Variants in TAFA2 observed in about 807,000 individuals in gnomAD.
TAFA2 encodes chemokine-like protein TAFA-2.
In TAFA2, 7 loss-of-function variants were observed where a neutral mutation model predicts 18.8. The observed-to-expected ratio is 0.37, with a 90% CI of 0.21 to 0.70. The LOEUF (loss-of-function observed/expected upper bound fraction) is 0.70, where lower values mean the gene tolerates loss of function less well. Among genes scored for constraint, TAFA2 ranks in the 30% least tolerant of loss-of-function variants. The pLI is 0.53. For missense variants in TAFA2, 122 were observed against 158.1 expected, an observed-to-expected ratio of 0.77 and a Z score of 1.23; for synonymous variants, 60 against 54.2, an observed-to-expected ratio of 1.11 and a Z score of -0.47.
chr12:61,950,936 T>C, intron 1 of TAFA2, among the ~76,000 whole-genome samples: 1 of 152,144 alleles, frequency 6.6e-6, no homozygotes, highest in East Asian at 1.9e-4. Context: ...GACACACATA[T>C]GCTTTATAGG....
intron 2 of TAFA2, among the ~76,000 whole-genome samples, chr12:61,762,663 A>G (rs998780884): frequency 6.6e-6 from 1 of 150,814 alleles, no homozygotes; most frequent in African/African-American, 2.4e-5. Flanking sequence ...ATACACATAC[A>G]GTTAATTGTG....
chr12:62,238,095 C>A (rs1347133691), intron 1 of TAFA2, among the ~76,000 whole-genome samples: 2 of 152,114 alleles, frequency 1.3e-5, no homozygotes, highest in African/African-American at 4.8e-5. Flanking sequence ...GGTTTTCCTG[C>A]AAGGGAACCC....
At chr12:61,998,509 TCTAA>T (rs1179093052) in intron 1 of TAFA2, among the ~76,000 whole-genome samples, 2 of 152,184 alleles carry the variant, frequency 1.3e-5, no homozygotes, top group African/African-American at 4.8e-5. Flanking sequence ...GGCCAACATT[TCTAA>T]CTGATATGCA....
intron 1 of TAFA2, among the ~76,000 whole-genome samples, chr12:61,898,122 G>C (rs1875935100): frequency 6.6e-6 from 1 of 152,228 alleles, no homozygotes; most frequent in Non-Finnish European, 1.5e-5. Flanking sequence ...AGGTCACACT[G>C]ATGCAAGAGG....
chr12:61,716,720 T>C (rs114603764), intron 4 of TAFA2, among the ~76,000 whole-genome samples: 386 of 152,314 alleles, frequency 2.5e-3, no homozygotes, highest in African/African-American at 8.9e-3. Context: ...GTCAATTTCA[T>C]TTTAAAAAGT....
At chr12:61,785,296 T>A (rs1282770206) in intron 2 of TAFA2, among the ~76,000 whole-genome samples, 1 of 149,894 alleles carries the variant, frequency 6.7e-6, no homozygotes, top group Non-Finnish European at 1.5e-5. Flanking sequence ...AGGAGTTTAT[T>A]CCTTTATGGC....
chr12:61,939,192 A>C (rs1396159905), intron 1 of TAFA2, among the ~76,000 whole-genome samples: 2 of 152,172 alleles, frequency 1.3e-5, no homozygotes, highest in African/African-American at 4.8e-5. Context: ...AGTAATTTGA[A>C]TTTACCATTT....
intron 2 of TAFA2, among the ~76,000 whole-genome samples, chr12:61,858,067 G>A (rs796554310): frequency 2.6e-5 from 4 of 152,268 alleles, no homozygotes; most frequent in African/African-American, 9.6e-5. Flanking sequence ...TGAGAGAATT[G>A]GTTCCTGGTT....
intron 1 of TAFA2, among the ~76,000 whole-genome samples, chr12:62,064,017 C>T (rs1049810383): frequency 6.6e-6 from 1 of 151,980 alleles, no homozygotes; most frequent in Non-Finnish European, 1.5e-5. Context: ...ATGGTAGGTG[C>T]TTAATATATA....
intron 1 of TAFA2, among the ~76,000 whole-genome samples, chr12:61,923,345 G>A (rs949888576): frequency 2.0e-5 from 3 of 152,144 alleles, no homozygotes; most frequent in Non-Finnish European, 4.4e-5. Context: ...GAGAGCTCTG[G>A]CTGGCATATG....
intron 1 of TAFA2, among the ~76,000 whole-genome samples, chr12:61,970,985 A>C (rs1162827571): frequency 6.6e-6 from 1 of 151,722 alleles, no homozygotes; most frequent in Non-Finnish European, 1.5e-5. Flanking sequence ...ATGATTCATT[A>C]GTTCTAAACA....
intron 2 of TAFA2, among the ~76,000 whole-genome samples, chr12:61,760,943 CT>C (rs1207507156): frequency 6.6e-6 from 1 of 151,530 alleles, no homozygotes; most frequent in Non-Finnish European, 1.5e-5. Flanking sequence ...TTCCCTCCTA[CT>C]TTTTTGTGAA....
intron 4 of TAFA2, among the ~76,000 whole-genome samples, chr12:61,731,339 G>C (rs1870440172): frequency 6.6e-6 from 1 of 152,040 alleles, no homozygotes; most frequent in African/African-American, 2.4e-5. Flanking sequence ...CGTTCCTGTG[G>C]TGGTTCTTGA....
At chr12:62,084,644 C>T (rs1868381383) in intron 1 of TAFA2, among the ~76,000 whole-genome samples, 1 of 152,066 alleles carries the variant, frequency 6.6e-6, no homozygotes, top group South Asian at 2.1e-4. Context: ...AGGCCTTATG[C>T]TTGGGCAATC....
intron 1 of TAFA2, among the ~76,000 whole-genome samples, chr12:62,116,959 TAAAAG>T (rs912666003): frequency 1.3e-5 from 2 of 152,092 alleles, no homozygotes; most frequent in African/African-American, 4.8e-5. Flanking sequence ...CTGGTATCCT[TAAAAG>T]AAGAGGAGAC....
At chr12:61,843,389 A>C (rs532150077) in intron 2 of TAFA2, among the ~76,000 whole-genome samples, 1 of 152,206 alleles carries the variant, frequency 6.6e-6, no homozygotes, top group East Asian at 1.9e-4. Context: ...AGGCTGACCA[A>C]ACAACCACAG....
intron 2 of TAFA2, among the ~76,000 whole-genome samples, chr12:61,835,276 G>A (rs538188990): frequency 2.0e-5 from 3 of 152,044 alleles, no homozygotes; most frequent in African/African-American, 7.2e-5. Context: ...TCAAATTTGG[G>A]ATAATGCTAT....
intron 1 of TAFA2, among the ~76,000 whole-genome samples, chr12:62,138,977 AAC>A (rs2062218774): frequency 6.6e-6 from 1 of 152,182 alleles, no homozygotes; most frequent in African/African-American, 2.4e-5. Flanking sequence ...AGGTGAAAAA[AAC>A]AGTTTCCTTC....
chr12:61,896,368 AC>A (rs1041689374), intron 1 of TAFA2, among the ~76,000 whole-genome samples: 3 of 152,322 alleles, frequency 2.0e-5, no homozygotes, highest in Admixed American at 6.5e-5. Context: ...AATGTAAAAA[AC>A]ATTACGAAAT....
Sources: gnomAD v4.1 joint callset for allele counts (sites outside exome capture counted in the v4.1 genomes callset) on GRCh38, gnomAD v4.1.1 for gene constraint, MANE v1.5 for transcripts, NCBI Gene and HGNC (gene_info 2026-07-23, HGNC 2026-07-21) for gene names.